EFCAB8: variants seen among roughly 807,000 people sequenced by gnomAD.
EFCAB8 encodes EF-hand calcium-binding domain-containing protein 8.
In EFCAB8, 100 loss-of-function variants were observed where a neutral mutation model predicts 116.3. The ratio of observed to expected loss-of-function variants is 0.86; its 90% CI spans 0.73 to 1.02. The LOEUF (loss-of-function observed/expected upper bound fraction) is 1.02. EFCAB8 is among the 50% of genes least tolerant of loss of function. EFCAB8 has a pLI of 0.00. For missense variants in EFCAB8, 1,320 were observed against 1,416.9 expected, an observed-to-expected ratio of 0.93 and a Z score of 1.10; for synonymous variants, 558 against 567.9, an observed-to-expected ratio of 0.98 and a Z score of 0.25.
chr20:32,948,540 GAAA>G (rs1988683690), intron 23 of EFCAB8, among the ~76,000 whole-genome samples: 1 of 133,496 alleles, frequency 7.5e-6, no homozygotes, highest in Non-Finnish European at 1.6e-5. Context: ...AAGAAAGAAA[GAAA>G]GAAAGAAAGA....
chr20:32,902,234 G>T (rs1986461706), intron 11 of EFCAB8, among the ~76,000 whole-genome samples: 1 of 152,146 alleles, frequency 6.6e-6, no homozygotes, highest in Non-Finnish European at 1.5e-5. Context: ...GTGTCCATGG[G>T]CAGGGGTGGT....
intron 22 of EFCAB8, among the ~76,000 whole-genome samples, chr20:32,937,967 A>G (rs2146284127): frequency 1.3e-5 from 2 of 150,296 alleles, no homozygotes; most frequent in African/African-American, 4.9e-5. Flanking sequence ...GTTCTCTATG[A>G]GGCCAGTATT....
Position 32,859,506 on chromosome 20 carries a change from G to A in EFCAB8, c.-11+500G>A, listed in dbSNP as rs544990517. ...GCAACCAGCACTTTTTTTCCCATTT[G>A]GCGTTTTACCTCTGTTCATGAACAT... On this transcript the variant is annotated intron_variant, in intron 1 of 26. Transcript: ENST00000400522. Among the ~76,000 whole-genome samples the A allele has an allele frequency of 2.8e-4, 42 of 152,044 alleles. No homozygotes were observed. The South Asian group carries it at 8.7e-3, about 32-fold the overall frequency.
chr20:32,922,233 A>C (rs1186493508), intron 20 of EFCAB8, among the ~76,000 whole-genome samples: 7 of 152,204 alleles, frequency 4.6e-5, no homozygotes, highest in Non-Finnish European at 1.0e-4. Context: ...TCCAGTTTTT[A>C]GCTTTTAGGA....
At chr20:32,876,187 G>A (rs746398295) in intron 4 of EFCAB8, 143 bp downstream of exon 4, 21 of 703,776 alleles carry the variant, frequency 3.0e-5, no homozygotes, top group Non-Finnish European at 5.1e-5. Context: ...CGGGGGACTT[G>A]CCTGGTGGAG....
chr20:32,895,900 G>T (rs6058946), intron 9 of EFCAB8, among the ~76,000 whole-genome samples: 40,679 of 152,006 alleles, frequency 0.27, 5,586 homozygotes, highest in South Asian at 0.32. Flanking sequence ...CTGGCCTCAA[G>T]TGACCTTCCC....
At chr20:32,885,678 A>G (rs907083129) in intron 6 of EFCAB8, 38 bp downstream of exon 6, 112 of 1,546,154 alleles carry the variant, frequency 7.2e-5, no homozygotes, top group Non-Finnish European at 9.4e-5. Flanking sequence ...CACATGGGTG[A>G]TTGGAGAGCC....
At chr20:32,918,944 G>A (rs1343194015) in intron 19 of EFCAB8, among the ~76,000 whole-genome samples, 1 of 152,182 alleles carries the variant, frequency 6.6e-6, no homozygotes, top group Non-Finnish European at 1.5e-5. Flanking sequence ...AGGTGCAGAG[G>A]GAGCCATGGG....
intron 23 of EFCAB8, among the ~76,000 whole-genome samples, chr20:32,953,807 TTTTGTTTGTTTG>T (rs745634578): frequency 6.6e-6 from 1 of 152,096 alleles, no homozygotes; most frequent in South Asian, 2.1e-4. Flanking sequence ...TGATTGTGGT[TTTTGTTTGTTTG>T]TTTGTTTTGA....
At chr20:32,925,535 T>C (rs1987637073) in intron 20 of EFCAB8, among the ~76,000 whole-genome samples, 1 of 152,248 alleles carries the variant, frequency 6.6e-6, no homozygotes, top group Non-Finnish European at 1.5e-5. Flanking sequence ...GGGTTTTTAG[T>C]GGAGACGGGG....
chr20:32,944,725 C>T (rs1988528407), intron 23 of EFCAB8, among the ~76,000 whole-genome samples: 1 of 152,180 alleles, frequency 6.6e-6, no homozygotes, highest in African/African-American at 2.4e-5. Flanking sequence ...TAAAGGACAG[C>T]TTTCCTGGAT....
intron 23 of EFCAB8, among the ~76,000 whole-genome samples, chr20:32,945,419 G>A (rs1988561754): frequency 6.6e-6 from 1 of 152,124 alleles, no homozygotes; most frequent in Non-Finnish European, 1.5e-5. Context: ...GCTTCCCAAA[G>A]TGTTGGGATT....
rs1057210526 is a variant in EFCAB8, at chr20:32,920,581, G to A, written c.2412+366G>A. Among the ~76,000 whole-genome samples, 88 of 151,980 alleles carry A rather than the reference G, an allele frequency of 5.8e-4. 2 individuals carry two copies. The highest frequency in any genetic ancestry group is 1.5e-4 in the Non-Finnish European group (10 of 68,014). On this transcript the variant is annotated intron_variant, in intron 20 of 26. Transcript: ENST00000400522. ...AGAGAAAATGAGAAGCAGCAAAAGCGGAAACCCCTGATAAACCCATCAGAT... is the reference window on the plus strand; with the variant it reads ...AGAGAAAATGAGAAGCAGCAAAAGCAGAAACCCCTGATAAACCCATCAGAT...
chr20:32,907,256 A>C (rs1435238132), intron 13 of EFCAB8: 2 of 331,114 alleles, frequency 6.0e-6, no homozygotes, highest in Non-Finnish European at 8.6e-6. Flanking sequence ...CAGTCTCCCT[A>C]TCCATAGAAT....
chr20:32,893,368 G>A, intron 9 of EFCAB8, 70 bp downstream of exon 9: 1 of 1,535,710 alleles, frequency 6.5e-7, no homozygotes, highest in South Asian at 1.2e-5. Context: ...AGGTCATCCT[G>A]GTCCCCGAGC....
chr20:32,897,628 G>A (rs944784556), intron 10 of EFCAB8, among the ~76,000 whole-genome samples: 1 of 151,730 alleles, frequency 6.6e-6, no homozygotes, highest in African/African-American at 2.4e-5. Context: ...TTTGAGACGG[G>A]GCCTCACTAT....
intron 20 of EFCAB8, among the ~76,000 whole-genome samples, chr20:32,927,222 T>C (rs1056409973): frequency 2.2e-4 from 34 of 152,216 alleles, no homozygotes; most frequent in Non-Finnish European, 4.9e-4. Flanking sequence ...ACCAGTTCTT[T>C]CCTAGAACCT....
At chr20:32,899,229 CAATAATAAT>C (rs34439877) in intron 11 of EFCAB8, among the ~76,000 whole-genome samples, 1 of 146,410 alleles carries the variant, frequency 6.8e-6, no homozygotes, top group African/African-American at 2.5e-5. Flanking sequence ...ACTAAAAATA[CAATAATAAT>C]AATAATAATA....
intron 16 of EFCAB8, among the ~76,000 whole-genome samples, chr20:32,912,069 C>T (rs148480053): frequency 1.6e-4 from 25 of 152,262 alleles, no homozygotes; most frequent in Non-Finnish European, 3.2e-4. Flanking sequence ...TAGGGCCAGT[C>T]CATGGGAGTG....
Sources: allele counts gnomAD v4.1 joint callset (sites outside exome capture counted in the v4.1 genomes callset), GRCh38; gene constraint gnomAD v4.1.1; transcripts MANE v1.5; gene names NCBI Gene and HGNC (gene_info 2026-07-23, HGNC 2026-07-21).